Variants in KDM4A observed in about 807,000 individuals in gnomAD.
KDM4A encodes the protein lysine demethylase 4A, also known as lysine-specific demethylase 4A.
In KDM4A, 23 loss-of-function variants were observed where a neutral mutation model predicts 127.1. That is an observed-to-expected ratio of 0.18 (90% CI 0.13 to 0.26). The LOEUF (loss-of-function observed/expected upper bound fraction) is 0.26, where lower values mean the gene tolerates loss of function less well. Ranked by LOEUF, KDM4A falls within the 10% of genes least tolerant of loss-of-function variation. The pLI, the probability that KDM4A is intolerant of heterozygous loss-of-function variation, is 1.00. For missense variants in KDM4A, 890 were observed against 1,329.1 expected (o/e 0.67, Z 5.14); for synonymous variants, 443 against 466.5 (o/e 0.95, Z 0.65).
chr1:43,657,622 T>C (rs578180573), intron 3 of KDM4A, among the ~76,000 whole-genome samples: 2 of 152,296 alleles, frequency 1.3e-5, no homozygotes, highest in South Asian at 4.1e-4. Flanking sequence ...CTTCCTGCCA[T>C]CCTTATTGTC....
intron 11 of KDM4A, among the ~76,000 whole-genome samples, chr1:43,674,573 G>A (rs989275226): frequency 2.0e-5 from 3 of 151,368 alleles, no homozygotes; most frequent in African/African-American, 7.3e-5. Flanking sequence ...CTGGAGTGCA[G>A]TGGTGTAATC....
chr1:43,654,155 A>G (rs1660181113), intron 2 of KDM4A, among the ~76,000 whole-genome samples: 1 of 152,372 alleles, frequency 6.6e-6, no homozygotes, highest in Admixed American at 6.5e-5. Flanking sequence ...AGGCGGGAAT[A>G]GCAGGGCCTG....
chr1:43,666,837 C>CCCAG, intron 7 of KDM4A, 117 bp from the exon 8 acceptor site: 1 of 1,002,320 alleles, frequency 1.0e-6, no homozygotes, highest in Non-Finnish European at 1.5e-6. Flanking sequence ...CAGCAAGGAC[C>CCCAG]CCAGGGGTTT....
chr1:43,656,534 C>T (rs531127399), intron 3 of KDM4A, among the ~76,000 whole-genome samples: 17 of 151,648 alleles, frequency 1.1e-4, no homozygotes, highest in Admixed American at 3.3e-4. Context: ...GACAGGGTTT[C>T]GCCACATTGG....
chr1:43,663,215 A>C (rs1400503977), intron 5 of KDM4A, 128 bp downstream of exon 5: 1 of 780,146 alleles, frequency 1.3e-6, no homozygotes, highest in Non-Finnish European at 2.0e-6. Flanking sequence ...GTGACATTCC[A>C]TGTTTTAAAC....
intron 19 of KDM4A, among the ~76,000 whole-genome samples, chr1:43,698,691 T>G (rs1172966078): frequency 1.3e-5 from 2 of 152,216 alleles, no homozygotes; most frequent in Non-Finnish European, 2.9e-5. Flanking sequence ...TATACCACAT[T>G]AGCCACTCAG....
Position 43,704,502 on chromosome 1 carries a change from C to T in KDM4A, c.*132C>T. On this transcript the variant is annotated 3_prime_UTR_variant, in exon 22 of 22. Coordinates refer to ENST00000372396, the MANE Select transcript of KDM4A (RefSeq NM_014663.3). ...AAGAAAAGGAATGAAATAACCGACC[C>T]ATCATCTTCTCACCCACCCTCATTG... 1 of 996,724 alleles carries T rather than the reference C, an allele frequency of 1.0e-6. No homozygotes were observed. Among genetic ancestry groups the T allele is most frequent in the East Asian group, 2.4e-5 (1 of 41,398 alleles). 61.7% of individuals were successfully genotyped at this position (996,724 alleles called of 1,614,324 possible). A position where few individuals can be genotyped will look rare whatever the true frequency, so the allele number is the denominator to read the frequency against.
At position 43,704,746 on chromosome 1, in the gene KDM4A, C is replaced by G. The variant is rs1661504780; in HGVS notation, c.*376C>G. Reference sequence around the variant, plus strand: ...CTAGGCTGAGGTGCTGGTACTTGCCCCAACCCCTACTTTTGTATTTATATG... The same window carrying G: ...CTAGGCTGAGGTGCTGGTACTTGCCGCAACCCCTACTTTTGTATTTATATG... On this transcript the variant is annotated 3_prime_UTR_variant, in exon 22 of 22. Transcript: ENST00000372396. 1 of 247,824 alleles carries G rather than the reference C, an allele frequency of 4.0e-6. No individual in the cohort carries two copies. The highest frequency in any genetic ancestry group is 2.3e-5 in the African/African-American group (1 of 43,862). The allele number at this position is 247,824 out of a possible 1,614,324, so 15.4% of individuals were successfully genotyped here.
intron 11 of KDM4A, among the ~76,000 whole-genome samples, 162 bp downstream of exon 11, chr1:43,672,037 C>T (rs1443457341): frequency 6.6e-6 from 1 of 152,126 alleles, no homozygotes; most frequent in Admixed American, 6.5e-5. Context: ...GTGGTTGTGT[C>T]AAACAAAAGC....
rs762999915 is a variant in KDM4A, at chr1:43,690,997, T to C, written c.2190T>C (p.Asp730=). Residue 730 remains aspartate (D), a synonymous_variant, in exon 14 of 22, where the codon GAT becomes GAC. Transcript: ENST00000372396. ...TTTCTACTCCTTATCTTGAGGAGGA[T>C]GGCACCAGCATACTCGTTTCCTGCA... is the stretch of plus-strand genomic sequence containing the variant. ...INLSTPYLEE[D]GTSILVSCKK... 10 of 1,614,120 alleles carry C rather than the reference T, an allele frequency of 6.2e-6. No homozygotes were observed. The highest frequency in any genetic ancestry group is 7.6e-6 in the Non-Finnish European group (9 of 1,180,048).
At chr1:43,700,981 G>T (rs1474513458) in intron 19 of KDM4A, among the ~76,000 whole-genome samples, 2 of 149,588 alleles carry the variant, frequency 1.3e-5, no homozygotes, top group Admixed American at 6.6e-5. Flanking sequence ...GGAGTGCAGT[G>T]GTGCGTTCTT....
At chr1:43,699,097 T>A (rs7532558) in intron 19 of KDM4A, among the ~76,000 whole-genome samples, 11,750 of 150,436 alleles carry the variant, frequency 0.078, 1,516 homozygotes, top group African/African-American at 0.27. Flanking sequence ...CCTTATTTTT[T>A]TTTTTTTTTT....
intron 11 of KDM4A, among the ~76,000 whole-genome samples, chr1:43,677,235 C>G (rs1197185546): frequency 6.6e-6 from 1 of 151,534 alleles, no homozygotes; most frequent in Non-Finnish European, 1.5e-5. Context: ...ATCCCAGCTA[C>G]TCAGGAGGCT....
At chr1:43,670,355 T>TA (rs1660590395) in intron 10 of KDM4A, among the ~76,000 whole-genome samples, 2 of 152,214 alleles carry the variant, frequency 1.3e-5, no homozygotes, top group African/African-American at 4.8e-5. Context: ...CAAATTTATT[T>TA]ATTTATATTG....
chr1:43,677,031 C>A (rs1435040481), intron 11 of KDM4A, among the ~76,000 whole-genome samples: 1 of 152,146 alleles, frequency 6.6e-6, no homozygotes, highest in Admixed American at 6.6e-5. Context: ...TTCCCTACTT[C>A]AGTGTGTATC....
At chr1:43,650,385 G>A (rs922288737) in intron 1 of KDM4A, 133 bp downstream of exon 1, 1 of 152,444 alleles carries the variant, frequency 6.6e-6, no homozygotes, top group Non-Finnish European at 1.5e-5. Context: ...CGGCCAATAG[G>A]AGAAGGAGCT....
Position 43,671,869 on chromosome 1 carries a change from G to A in KDM4A, c.1728G>A (p.Leu576=). 1 of 1,563,374 alleles carries A rather than the reference G, an allele frequency of 6.4e-7. No homozygotes were observed. The highest frequency in any genetic ancestry group is 8.7e-7 in the Non-Finnish European group (1 of 1,153,102). ...SAARSFSERE[L]AEVADEYMFS... ...CTAGAAGTTTCAGTGAGCGGGAGCTGGCAGAGGTATGGGCTCCAGGCAGTG... is the reference window on the plus strand; with the variant it reads ...CTAGAAGTTTCAGTGAGCGGGAGCTAGCAGAGGTATGGGCTCCAGGCAGTG... Residue 576 remains leucine, a synonymous_variant, in exon 11 of 22, where the codon CTG becomes CTA. Coordinates refer to ENST00000372396, the MANE Select transcript of KDM4A (RefSeq NM_014663.3).
Position 43,705,434 on chromosome 1 carries a change from G to A in KDM4A, c.*1064G>A, listed in dbSNP as rs1661530232. 6.6e-6 allele frequency: 1 copy of A among 152,376 alleles called. No homozygotes were observed. The highest frequency in any genetic ancestry group is 2.4e-5 in the African/African-American group (1 of 41,388). The allele number at this position is 152,376 out of a possible 1,614,324, so 9.4% of individuals were successfully genotyped here. A position where few individuals can be genotyped will look rare whatever the true frequency, so the allele number is the denominator to read the frequency against. ...AGATTTATAATACTTCCCCTTTTTT[G>A]TTACGTATGAACACTATAAACCAAA... On this transcript the variant is annotated 3_prime_UTR_variant, in exon 22 of 22. Transcript: ENST00000372396.
chr1:43,676,526 G>C lies in KDM4A; in HGVS notation c.1734+4651G>C, dbSNP rs141423468. On this transcript the variant is annotated intron_variant, in intron 11 of 21. Coordinates refer to ENST00000372396, the MANE Select transcript of KDM4A (RefSeq NM_014663.3). Reference sequence around the variant, plus strand: ...AGTAGAGACAGGGTTTCACCATCTTGGCCAGGCTGGTCTTGAACCCCTGCC... The same window carrying C: ...AGTAGAGACAGGGTTTCACCATCTTCGCCAGGCTGGTCTTGAACCCCTGCC... Among the ~76,000 whole-genome samples the C allele has an allele frequency of 1.5e-3, 231 of 152,090 alleles. 2 individuals are homozygous for C. The highest frequency in any genetic ancestry group is 5.2e-3 in the African/African-American group (216 of 41,496).
Sources: allele counts gnomAD v4.1 joint callset (sites outside exome capture counted in the v4.1 genomes callset), GRCh38; gene constraint gnomAD v4.1.1; transcripts MANE v1.5; gene names NCBI Gene and HGNC (gene_info 2026-07-23, HGNC 2026-07-21).